The following CCDC179 variants were observed in gnomAD, a reference collection of about 807,000 sequenced individuals.
CCDC179 encodes the protein coiled-coil domain-containing protein 179.
In CCDC179, 17 loss-of-function variants were observed where a neutral mutation model predicts 12.0. The observed-to-expected ratio is 1.42, with a 90% CI of 0.97 to 2.13. CCDC179 has a LOEUF of 2.13. Among genes scored for constraint, CCDC179 ranks in the 30% most tolerant of loss-of-function variants. The pLI is 0.00. For missense variants in CCDC179, 83 were observed against 78.6 expected (o/e 1.06, Z -0.21); for synonymous variants, 27 against 26.4 (o/e 1.02, Z -0.07).
chr11:22,859,846 A>G (rs1333856175), intron 1 of CCDC179, among the ~76,000 whole-genome samples: 2 of 152,174 alleles, frequency 1.3e-5, no homozygotes, highest in Non-Finnish European at 2.9e-5. Flanking sequence ...CAGTGGTGCT[A>G]TTGAGCAATC....
At chr11:22,850,707 G>A (rs1858356012) in intron 3 of CCDC179, among the ~76,000 whole-genome samples, 2 of 151,622 alleles carry the variant, frequency 1.3e-5, no homozygotes, top group Admixed American at 6.6e-5. Flanking sequence ...GCCAAGTCAT[G>A]GAAGAAAACA....
chr11:22,853,526 A>G (rs1001618835), intron 3 of CCDC179, among the ~76,000 whole-genome samples: 1 of 152,134 alleles, frequency 6.6e-6, no homozygotes, highest in Non-Finnish European at 1.5e-5. Context: ...AAAAAAACTA[A>G]TTAGCTTAAA....
At chr11:22,849,955 T>C (rs976351934) in intron 3 of CCDC179, among the ~76,000 whole-genome samples, 1 of 152,002 alleles carries the variant, frequency 6.6e-6, no homozygotes, top group African/African-American at 2.4e-5. Flanking sequence ...AGGCGACAGA[T>C]TTTATAGTCA....
chr11:22,857,896 A>C, intron 3 of CCDC179, 26 bp downstream of exon 3: 4 of 1,152,632 alleles, frequency 3.5e-6, no homozygotes, highest in Non-Finnish European at 4.8e-6. Flanking sequence ...ATGATCTGTT[A>C]ATTTCAGTGA....
chr11:22,850,776 T>C (rs1323883359), intron 3 of CCDC179, among the ~76,000 whole-genome samples: 3 of 151,162 alleles, frequency 2.0e-5, no homozygotes, highest in African/African-American at 7.3e-5. Context: ...CCAAAATAAC[T>C]GTGTGTAAAT....
At chr11:22,855,166 T>G (rs544888163) in intron 3 of CCDC179, among the ~76,000 whole-genome samples, 1 of 151,732 alleles carries the variant, frequency 6.6e-6, no homozygotes, top group Non-Finnish European at 1.5e-5. Context: ...AGAAAATCTG[T>G]AAGAATGTAT....
intron 3 of CCDC179, among the ~76,000 whole-genome samples, chr11:22,851,902 G>GT (rs760471655): frequency 1.3e-5 from 2 of 152,190 alleles, no homozygotes; most frequent in Non-Finnish European, 2.9e-5. Flanking sequence ...AGATCTCACT[G>GT]TAAGGATCAG....
chr11:22,850,957 TATATATA>T (rs1858368580), intron 3 of CCDC179, among the ~76,000 whole-genome samples: 4 of 10,448 alleles, frequency 3.8e-4, no homozygotes, highest in Non-Finnish European at 1.0e-3. Flanking sequence ...TATATATATA[TATATATA>T]TATATATATA....
rs115974289 is a variant in CCDC179, at chr11:22,857,118, C to T, written c.195+804G>A. Reference sequence around the variant, plus strand: ...CCAAACTGATCCTTTGGATCCAGCACAATCCCAATAAAAATTCTAGCAAGT... The same window carrying T: ...CCAAACTGATCCTTTGGATCCAGCATAATCCCAATAAAAATTCTAGCAAGT... On this transcript the variant is annotated intron_variant, in intron 3 of 3. Coordinates refer to ENST00000532798, the MANE Select transcript of CCDC179 (RefSeq NM_001195637.2). Among the ~76,000 whole-genome samples the T allele has an allele frequency of 3.5e-3, 532 of 151,636 alleles. 3 individuals carry two copies. The highest frequency in any genetic ancestry group is 0.012 in the African/African-American group (510 of 41,486).
chr11:22,852,291 A>G (rs1265704083), intron 3 of CCDC179, among the ~76,000 whole-genome samples: 2 of 152,198 alleles, frequency 1.3e-5, no homozygotes, highest in Non-Finnish European at 2.9e-5. Flanking sequence ...AAAGCTAACT[A>G]TAGGAGAAAT....
intron 3 of CCDC179, among the ~76,000 whole-genome samples, chr11:22,851,671 C>T (rs1205004381): frequency 6.6e-6 from 1 of 152,196 alleles, no homozygotes; most frequent in African/African-American, 2.4e-5. Flanking sequence ...AGCTGCTGCC[C>T]TGAAAACCAG....
chr11:22,847,839 C>T (rs1858262514), intron 3 of CCDC179, among the ~76,000 whole-genome samples: 1 of 152,026 alleles, frequency 6.6e-6, no homozygotes, highest in South Asian at 2.1e-4. Flanking sequence ...CCCTGGATAT[C>T]AGTTTTGAGA....
At chr11:22,853,508 C>T (rs960939220) in intron 3 of CCDC179, among the ~76,000 whole-genome samples, 1 of 151,774 alleles carries the variant, frequency 6.6e-6, no homozygotes, top group Non-Finnish European at 1.5e-5. Context: ...ATACACTGAA[C>T]TCAGAGGAAA....
At chr11:22,858,385 C>T (rs1277454699) in intron 2 of CCDC179, among the ~76,000 whole-genome samples, 1 of 151,912 alleles carries the variant, frequency 6.6e-6, no homozygotes, top group Non-Finnish European at 1.5e-5. Flanking sequence ...AATATGAAAA[C>T]AATTATTCAC....
intron 3 of CCDC179, among the ~76,000 whole-genome samples, chr11:22,849,103 C>G (rs987276689): frequency 1.3e-5 from 2 of 152,116 alleles, no homozygotes; most frequent in African/African-American, 4.8e-5. Flanking sequence ...CACAGTAACT[C>G]TTTGTTATTG....
At position 22,857,994 on chromosome 11, in the gene CCDC179, G is replaced by T; in HGVS notation, c.123C>A (p.His41Gln). The T allele has an allele frequency of 6.6e-7, 1 of 1,522,572 alleles. No homozygotes were observed. The highest frequency in any genetic ancestry group is 8.8e-7 in the Non-Finnish European group (1 of 1,141,692). 94.3% of individuals were successfully genotyped at this position (1,522,572 alleles called of 1,614,324 possible). The change falls in exon 3 of 4, where the codon CAC becomes CAA. Residue 41 changes from histidine to glutamine, a missense_variant. Coordinates refer to ENST00000532798, the MANE Select transcript of CCDC179 (RefSeq NM_001195637.2). ...TCAGTCTCCTCTTCTCTTTCTTTAG[G>T]TGTTGCATATTCTGAATACGTTTAT... ...LANKRIQNMQ[H>Q]LKKEKRRLNK...
At chr11:22,859,583 A>G in intron 1 of CCDC179, 87 bp from the exon 2 acceptor site, 1 of 715,004 alleles carries the variant, frequency 1.4e-6, no homozygotes. Context: ...AGCCTATGCT[A>G]CTTTTAAATT....
At chr11:22,850,125 C>G (rs968127085) in intron 3 of CCDC179, among the ~76,000 whole-genome samples, 5 of 152,230 alleles carry the variant, frequency 3.3e-5, no homozygotes, top group African/African-American at 4.8e-5. Flanking sequence ...TCTTACTATA[C>G]ACGTGGCTGG....
At chr11:22,854,325 T>G (rs372397702) in intron 3 of CCDC179, among the ~76,000 whole-genome samples, 116 of 151,942 alleles carry the variant, frequency 7.6e-4, no homozygotes, top group African/African-American at 2.7e-3. Context: ...TCTTAACTGA[T>G]CTAAGAAATA....
Sources: allele counts gnomAD v4.1 joint callset (sites outside exome capture counted in the v4.1 genomes callset), GRCh38; gene constraint gnomAD v4.1.1; transcripts MANE v1.5; gene names NCBI Gene and HGNC (gene_info 2026-07-23, HGNC 2026-07-21).